Variants in ST18 observed in about 807,000 individuals in gnomAD.
ST18 encodes the protein ST18 C2H2C-type zinc finger transcription factor, also known as suppression of tumorigenicity 18 protein.
In ST18, 50 loss-of-function variants were observed where a neutral mutation model predicts 110.0. The ratio of observed to expected loss-of-function variants is 0.45; its 90% CI spans 0.36 to 0.58. The LOEUF is 0.58. ST18 is among the 20% of genes least tolerant of loss of function. ST18 has a pLI of 0.00. For synonymous variants in ST18, 461 were observed against 452.4 expected (o/e 1.02, Z -0.24); for missense variants, 1,306 against 1,280.1 (o/e 1.02, Z -0.31).
chr8:52,166,076 A>G (rs1023484221), intron 11 of ST18, among the ~76,000 whole-genome samples: 1 of 152,218 alleles, frequency 6.6e-6, no homozygotes, highest in Non-Finnish European at 1.5e-5. Context: ...AGAGGAGGCC[A>G]GGAGGACCAT....
chr8:52,408,175 T>C (rs190748448), intron 2 of ST18, among the ~76,000 whole-genome samples: 89 of 152,316 alleles, frequency 5.8e-4, no homozygotes, highest in Middle Eastern at 3.4e-3. Context: ...AATAATTTAA[T>C]GTAGGACCAT....
chr8:52,212,145 C>T, intron 7 of ST18, 36 bp from the exon 8 acceptor site: 1 of 1,583,954 alleles, frequency 6.3e-7, no homozygotes, highest in South Asian at 1.2e-5. Context: ...AAGACTTAAT[C>T]AGTTGATAAT....
intron 2 of ST18, among the ~76,000 whole-genome samples, chr8:52,266,521 G>C (rs1353295586): frequency 6.6e-6 from 1 of 151,366 alleles, no homozygotes; most frequent in Non-Finnish European, 1.5e-5. Context: ...ACAGGGGAAG[G>C]ATCGCAGAGT....
chr8:52,314,244 G>A (rs901063640), intron 2 of ST18, among the ~76,000 whole-genome samples: 1 of 152,178 alleles, frequency 6.6e-6, no homozygotes, highest in African/African-American at 2.4e-5. Flanking sequence ...CCAGAAAGTG[G>A]TCATGGAGTG....
intron 2 of ST18, among the ~76,000 whole-genome samples, chr8:52,326,585 A>T (rs150817126): frequency 6.6e-6 from 1 of 152,314 alleles, no homozygotes; most frequent in East Asian, 1.9e-4. Context: ...GGCAAAGTCA[A>T]TGGTGCCTCC....
intron 2 of ST18, among the ~76,000 whole-genome samples, chr8:52,372,610 A>G (rs1371935809): frequency 6.6e-6 from 1 of 152,188 alleles, no homozygotes; most frequent in Non-Finnish European, 1.5e-5. Context: ...GTGTATTTTT[A>G]CAGCACCTTT....
At chr8:52,163,214 ACT>A (rs2061912257) in intron 13 of ST18, among the ~76,000 whole-genome samples, 1 of 152,128 alleles carries the variant, frequency 6.6e-6, no homozygotes, top group South Asian at 2.1e-4. Context: ...GCCAATTTTG[ACT>A]CTTCATCAAA....
chr8:52,226,925 A>AT (rs1475368850), intron 3 of ST18, among the ~76,000 whole-genome samples: 1 of 152,050 alleles, frequency 6.6e-6, no homozygotes, highest in East Asian at 1.9e-4. Context: ...GTTCTTTGGA[A>AT]TTTTTTCAAA....
At chr8:52,224,491 T>C (rs954647574) in intron 3 of ST18, among the ~76,000 whole-genome samples, 7 of 152,204 alleles carry the variant, frequency 4.6e-5, no homozygotes, top group Non-Finnish European at 7.3e-5. Flanking sequence ...TCATTTAAGA[T>C]GTTTAGGCAA....
chr8:52,198,148 A>G (rs183196700), intron 8 of ST18, among the ~76,000 whole-genome samples: 1,807 of 152,202 alleles, frequency 0.012, 41 homozygotes, highest in African/African-American at 0.04. Context: ...CTGGGACTAC[A>G]GGCACCCACC....
At chr8:52,208,686 CGTG>C (rs1366909246) in intron 8 of ST18, among the ~76,000 whole-genome samples, 12 of 152,126 alleles carry the variant, frequency 7.9e-5, no homozygotes, top group Non-Finnish European at 1.5e-4. Context: ...ATTAGCCGGG[CGTG>C]GTGGTGCAGT....
chr8:52,168,329 CGAGGG>C (rs2063678447), intron 10 of ST18, among the ~76,000 whole-genome samples: 1 of 150,880 alleles, frequency 6.6e-6, no homozygotes, highest in African/African-American at 2.4e-5. Context: ...GGCCTGCGTG[CGAGGG>C]TGCGGAGCCT....
At chr8:52,191,024 G>A (rs2074298932) in intron 8 of ST18, among the ~76,000 whole-genome samples, 1 of 152,140 alleles carries the variant, frequency 6.6e-6, no homozygotes, top group African/African-American at 2.4e-5. Context: ...GCTATTTTAG[G>A]TTCTGGGGAT....
chr8:52,136,757 G>T, intron 18 of ST18, 99 bp from the exon 19 acceptor site: 1 of 1,043,368 alleles, frequency 9.6e-7, no homozygotes, highest in South Asian at 1.6e-5. Flanking sequence ...AATTATTGGT[G>T]ACTGGGGATT....
chr8:52,121,287 A>G (rs542173476), intron 23 of ST18, among the ~76,000 whole-genome samples: 27 of 152,334 alleles, frequency 1.8e-4, no homozygotes, highest in Non-Finnish European at 3.7e-4. Context: ...AAAAGGAAAC[A>G]TTGTCATGGG....
chr8:52,218,970 GT>G (rs953751837), intron 5 of ST18, among the ~76,000 whole-genome samples: 1 of 151,814 alleles, frequency 6.6e-6, no homozygotes, highest in African/African-American at 2.4e-5. Flanking sequence ...CAAAAATCAC[GT>G]TTTTTAAAAA....
At chr8:52,281,207 T>C (rs990557403) in intron 2 of ST18, among the ~76,000 whole-genome samples, 1 of 152,310 alleles carries the variant, frequency 6.6e-6, no homozygotes, top group Non-Finnish European at 1.5e-5. Flanking sequence ...TAAGTGTATG[T>C]ATATTTTACA....
intron 2 of ST18, chr8:52,393,836 CTG>C (rs1017841416): frequency 7.6e-5 from 11 of 144,948 alleles, no homozygotes; most frequent in Admixed American, 6.4e-4. Context: ...TGAGCTGAGA[CTG>C]TGCCATTGTA....
chr8:52,409,817 G>A (rs889014032), upstream of ST18: 26 of 152,260 alleles, frequency 1.7e-4, no homozygotes, highest in Admixed American at 1.3e-3. Context: ...ACCGCACAAA[G>A]AAAATGCTGT....
Sources: gnomAD v4.1 joint callset for allele counts (sites outside exome capture counted in the v4.1 genomes callset) on GRCh38, gnomAD v4.1.1 for gene constraint, MANE v1.5 for transcripts, NCBI Gene and HGNC (gene_info 2026-07-23, HGNC 2026-07-21) for gene names.